Variants in ZNF678 observed in about 807,000 individuals in gnomAD.
The protein encoded by ZNF678 is zinc finger protein 678, also known as hypothetical protein MGC42493.
ZNF678 carries 5 observed loss-of-function variants against 3.0 expected under a neutral mutation model. The observed-to-expected ratio is 1.69, with a 90% confidence interval of 0.88 to 3.56. ZNF678 has a LOEUF of 3.56. Among genes scored for constraint, ZNF678 ranks in the 30% most tolerant of loss-of-function variants. ZNF678 has a pLI of 0.00. For missense variants in ZNF678, 593 were observed against 605.0 expected (o/e 0.98, Z 0.21); for synonymous variants, 218 against 199.6 (o/e 1.09, Z -0.78).
At chr1:227,646,446 C>T in intron 1 of ZNF678, 98 bp from the exon 2 acceptor site, 1 of 1,205,868 alleles carries the variant, frequency 8.3e-7, no homozygotes, top group Non-Finnish European at 1.1e-6. Flanking sequence ...ACAGTTTCTG[C>T]CAGAACAAGT....
At chr1:227,642,614 A>C (rs981031760) in intron 1 of ZNF678, among the ~76,000 whole-genome samples, 1 of 152,046 alleles carries the variant, frequency 6.6e-6, no homozygotes, top group Non-Finnish European at 1.5e-5. Flanking sequence ...TCCTGGCCTC[A>C]TAGGAATACC....
chr1:227,572,660 C>T (rs1245035308), intron 1 of ZNF678, among the ~76,000 whole-genome samples: 2 of 152,182 alleles, frequency 1.3e-5, no homozygotes, highest in Non-Finnish European at 2.9e-5. Context: ...GAGAGCTCAG[C>T]TAAGGCCTAA....
chr1:227,652,796 G>A (rs887331991), intron 3 of ZNF678, among the ~76,000 whole-genome samples: 11 of 152,036 alleles, frequency 7.2e-5, no homozygotes, highest in African/African-American at 2.7e-4. Context: ...AGTGTTTTCA[G>A]CACCATCATT....
chr1:227,597,499 CA>C (rs1216452432), intron 1 of ZNF678, among the ~76,000 whole-genome samples: 17 of 152,164 alleles, frequency 1.1e-4, no homozygotes, highest in African/African-American at 4.1e-4. Context: ...CTATCAAGTT[CA>C]AAAAGTACCA....
intron 5 of ZNF678, among the ~76,000 whole-genome samples, chr1:227,674,147 C>T (rs1418006317): frequency 6.6e-6 from 1 of 152,156 alleles, no homozygotes; most frequent in Non-Finnish European, 1.5e-5. Flanking sequence ...GAAGAGAAGG[C>T]AATGACCTAC....
chr1:227,610,842 G>T (rs548703817), intron 1 of ZNF678, among the ~76,000 whole-genome samples: 1 of 152,166 alleles, frequency 6.6e-6, no homozygotes, highest in African/African-American at 2.4e-5. Context: ...ATGATAGAAG[G>T]GGGGTTTTCT....
chr1:227,581,633 T>A (rs942130300), intron 1 of ZNF678, among the ~76,000 whole-genome samples: 4 of 152,256 alleles, frequency 2.6e-5, no homozygotes, highest in African/African-American at 4.8e-5. Context: ...TGCTGTATTG[T>A]ATTCCATTGT....
At position 227,673,848 on chromosome 1, in the gene ZNF678, T is replaced by G. The variant is rs529998137; in HGVS notation, c.227-3331T>G. Among the ~76,000 whole-genome samples, 183 of 152,348 alleles carry G rather than the reference T, an allele frequency of 1.2e-3. 2 individuals are homozygous for G. The highest frequency in any genetic ancestry group is 4.1e-3 in the African/African-American group (172 of 41,582). On this transcript the variant is annotated intron_variant, in intron 5 of 5. Transcript: ENST00000608949. Reference sequence around the variant, plus strand: ...GAAATGGAAAAGGTAATTGTACATATTTAGATCAGAAATTGCTTGGAGTTG... The same window carrying G: ...GAAATGGAAAAGGTAATTGTACATAGTTAGATCAGAAATTGCTTGGAGTTG...
At position 227,640,530 on chromosome 1, in the gene ZNF678, G is replaced by A. The variant is rs146590433; in HGVS notation, c.-163-6014G>A. 2.1e-3 allele frequency among the ~76,000 whole-genome samples: 326 copies of A among 152,170 alleles called. 2 individuals carry two copies. The highest frequency in any genetic ancestry group is 7.5e-3 in the African/African-American group (310 of 41,508). ...AGGTGAGCAAAAATTGCAGAGGTCGGGGTGTAATCTGAGTGCAAAAAGGCC... is the reference window on the plus strand; with the variant it reads ...AGGTGAGCAAAAATTGCAGAGGTCGAGGTGTAATCTGAGTGCAAAAAGGCC... On this transcript the variant is annotated intron_variant, in intron 1 of 3. Transcript: ENST00000343776.
Position 227,638,637 on chromosome 1 carries a change from A to C in ZNF678, c.-163-7907A>C, listed in dbSNP as rs182019575. Among the ~76,000 whole-genome samples, 1 of 152,134 alleles carries C rather than the reference A, an allele frequency of 6.6e-6. No homozygotes were observed. Among genetic ancestry groups the C allele is most frequent in the African/African-American group, 2.4e-5 (1 of 41,504 alleles). On this transcript the variant is annotated intron_variant, in intron 1 of 3. Transcript: ENST00000343776. The surrounding 1 kb of genome is among the most constrained non-coding windows in gnomAD (Gnocchi z 4.2). The stretch of plus-strand genomic sequence containing the variant: ...GGTTGGAGGAGTAGAAGAAAGTTAG[A>C]AGTACCACAGGGGTCTAGGTGGATG...
In ZNF678 at chr1:227,563,629, G is replaced by A. The variant is rs918314392; in HGVS notation, c.-259G>A. 3.9e-5 allele frequency: 49 copies of A among 1,263,452 alleles called. No individual in the cohort carries two copies. The highest frequency in any genetic ancestry group is 5.0e-5 in the Non-Finnish European group (47 of 949,366). The allele number at this position is 1,263,452 out of a possible 1,614,324, so 78.3% of individuals were successfully genotyped here. A position where few individuals can be genotyped will look rare whatever the true frequency, so the allele number is the denominator to read the frequency against. ...TTATCCCCAGCTGCGGGAGGCCCTG[G>A]TGACTCTGCTGCTGCAGTGTCTGGT... On this transcript the variant is annotated 5_prime_UTR_variant, in exon 1 of 4. It adds an upstream start codon to the 5' untranslated region. Coordinates refer to ENST00000343776, the MANE Select transcript of ZNF678 (RefSeq NM_001367909.1).
chr1:227,674,736 A>G (rs907735896), intron 5 of ZNF678, among the ~76,000 whole-genome samples: 8 of 151,396 alleles, frequency 5.3e-5, no homozygotes, highest in African/African-American at 1.9e-4. Context: ...CCGAGTAGCT[A>G]GGATTACAGG....
At chr1:227,621,584 C>T (rs921451743) in intron 1 of ZNF678, among the ~76,000 whole-genome samples, 27 of 152,180 alleles carry the variant, frequency 1.8e-4, no homozygotes, top group African/African-American at 6.3e-4. Flanking sequence ...TCTTCAGCTG[C>T]AGAGAATGAT....
intron 1 of ZNF678, among the ~76,000 whole-genome samples, chr1:227,575,630 A>G (rs1336569562): frequency 5.3e-5 from 8 of 152,180 alleles, no homozygotes; most frequent in African/African-American, 4.8e-5. Flanking sequence ...TTGTCAGCAT[A>G]GGGAGATTTT....
At chr1:227,630,137 A>G (rs1016014236) in intron 1 of ZNF678, among the ~76,000 whole-genome samples, 3 of 152,212 alleles carry the variant, frequency 2.0e-5, no homozygotes, top group African/African-American at 4.8e-5. Flanking sequence ...TTGGCCTTCA[A>G]TAGAGTCAGG....
chr1:227,593,071 C>T (rs1006107385), intron 1 of ZNF678, among the ~76,000 whole-genome samples: 1 of 152,236 alleles, frequency 6.6e-6, no homozygotes, highest in Non-Finnish European at 1.5e-5. Flanking sequence ...TGGGGGCTGA[C>T]CCGCAGGGTG....
rs765693369 is a variant in ZNF678 at position 227,654,784 on chromosome 1, G to A, written c.534G>A (p.Glu178=). 1.2e-6 allele frequency: 2 copies of A among 1,613,240 alleles called. No homozygotes were observed. The highest frequency in any genetic ancestry group is 2.2e-5 in the East Asian group (1 of 44,834). The change falls in exon 4 of 4, where the codon GAG becomes GAA. Residue 178 remains glutamate, a synonymous_variant. Transcript: ENST00000343776. ...LTNHKKIHTG[E]KPYKCDECDK... ...ACCATAAGAAAATTCATACTGGAGA[G>A]AAACCCTACAAATGTGATGAATGTG...
chr1:227,580,214 C>T (rs1657090310), intron 1 of ZNF678, among the ~76,000 whole-genome samples: 1 of 152,118 alleles, frequency 6.6e-6, no homozygotes, highest in African/African-American at 2.4e-5. Flanking sequence ...CCTCTGTCCA[C>T]TCTCAGCGCC....
chr1:227,611,394 A>G (rs895035556), intron 1 of ZNF678, among the ~76,000 whole-genome samples: 2 of 152,212 alleles, frequency 1.3e-5, no homozygotes, highest in East Asian at 1.9e-4. Context: ...AGGCAGGCAG[A>G]CTTCACAATC....
Sources: gnomAD v4.1 joint callset for allele counts (sites outside exome capture counted in the v4.1 genomes callset) on GRCh38, gnomAD v4.1.1 for gene constraint, Gnocchi (gnomAD v3.1) non-coding constraint, MANE v1.5 for transcripts, NCBI Gene and HGNC (gene_info 2026-07-23, HGNC 2026-07-21) for gene names.